Variants in GPR179 observed in about 807,000 individuals in gnomAD.
GPR179 encodes the protein probable G protein-coupled receptor 179.
GPR179 carries 52 observed loss-of-function variants against 70.8 expected under a neutral mutation model. The observed-to-expected ratio is 0.73, with a 90% CI of 0.59 to 0.93. The LOEUF is 0.93. Among genes scored for constraint, GPR179 ranks in the 40% least tolerant of loss-of-function variants. The pLI is 0.00. For missense variants in GPR179, 2,734 were observed against 2,966.8 expected, an observed-to-expected ratio of 0.92 and a Z score of 1.82; for synonymous variants, 1,123 against 1,169.0, an observed-to-expected ratio of 0.96 and a Z score of 0.80.
chr17:38,342,390 A>G (rs911463750), intron 1 of GPR179, among the ~76,000 whole-genome samples: 1 of 151,062 alleles, frequency 6.6e-6, no homozygotes, highest in East Asian at 1.9e-4. Flanking sequence ...CTGGAGTGCA[A>G]TGGCGTGATC....
intron 4 of GPR179, 148 bp downstream of exon 4, chr17:38,336,830 G>A: frequency 1.2e-6 from 1 of 817,122 alleles, no homozygotes; most frequent in Non-Finnish European, 1.9e-6. Context: ...GTCCAAGGCG[G>A]AGAAATCACT....
chr17:38,331,679 A>G, intron 10 of GPR179, 148 bp from the exon 11 acceptor site: 1 of 1,411,866 alleles, frequency 7.1e-7, no homozygotes, highest in Non-Finnish European at 9.3e-7. Context: ...AAACTCTCGT[A>G]ATTCACCTCT....
Position 38,334,046 on chromosome 17 carries a change from G to C in GPR179, c.1785-8C>G, listed in dbSNP as rs754806320. ...GAGGGAACCAGCACAAACCTGGGGC[G>C]GGATAGGGGCGCAGGTCATTACTGC... On this transcript the variant is annotated splice_polypyrimidine_tract_variant and splice_region_variant and intron_variant, in intron 8 of 10. Transcript: ENST00000616987. The surrounding 1 kb of genome is among the most constrained non-coding windows in gnomAD (Gnocchi z 4.7). 5 of 1,595,830 alleles carry C rather than the reference G, an allele frequency of 3.1e-6. No individual in the cohort carries two copies. Among genetic ancestry groups the C allele is most frequent in the African/African-American group, 1.3e-5 (1 of 74,636 alleles).
chr17:38,338,596 G>C (rs1384391623), intron 2 of GPR179, among the ~76,000 whole-genome samples: 1 of 152,200 alleles, frequency 6.6e-6, no homozygotes, highest in Non-Finnish European at 1.5e-5. Context: ...GAACTGGATG[G>C]TGGGAGCCCT....
Position 38,333,986 on chromosome 17 carries a change from A to T in GPR179, c.1837T>A (p.Phe613Ile), listed in dbSNP as rs190745934. The T allele has an allele frequency of 1.6e-4, 253 of 1,613,574 alleles. No homozygotes were observed. Among genetic ancestry groups the T allele is most frequent in the Admixed American group, 6.0e-4 (36 of 59,950 alleles). Residue 613 changes from phenylalanine to isoleucine, a missense_variant, in exon 9 of 11, where the codon TTC becomes ATC. Physicochemically the swap from Phe to Ile is conservative, Grantham distance 21. Transcript: ENST00000616987. ...GTGGTGACTGTGCTGTGGGTGTGGA[A>T]GAAGAAGAGGAGGAGGGTCCAGTCC... Reference protein sequence around the residue: ...HPDWTLLLFFFHTHSTVTTTL... With the variant: ...HPDWTLLLFFIHTHSTVTTTL...
rs1328814736 is a variant in GPR179 at position 38,343,633 on chromosome 17, G to C, written c.157C>G (p.Leu53Val). The stretch of plus-strand genomic sequence containing the variant: ...GCGAGGGCGGCCTCGGCCCCCTCTA[G>C]GGGCACCTGCATGGGTACAGATCCT... ...KPGSVPMQVP[L>V]EGAEAALAYL... The change falls in exon 1 of 11, where the codon CTA becomes GTA. Residue 53 changes from leucine (L) to valine (V), a missense_variant. Physicochemically the swap from Leu to Val is conservative, Grantham distance 32. Transcript: ENST00000616987. This position sits in a 1 kb window ranked among gnomAD's most constrained non-coding sequence, Gnocchi z 4.2. 6.2e-7 allele frequency: 1 copy of C among 1,613,638 alleles called. No individual in the cohort carries two copies. Among genetic ancestry groups the C allele is most frequent in the African/African-American group, 1.3e-5 (1 of 74,912 alleles).
rs1208985357 is a variant in GPR179, at chr17:38,328,358, A to G, written c.5211T>C (p.Asp1737=). Residue 1737 remains aspartate (D), a synonymous_variant, in exon 11 of 11, where the codon GAT becomes GAC. Coordinates refer to ENST00000616987, the MANE Select transcript of GPR179 (RefSeq NM_001004334.4). ...TAACAGCTCTCTCCCTGGGTCCAAG[A>G]TCTGCAGAAACCTTGCCTGTATCAT... ...SPNDTGKVSA[D]LGPRERAVTA... 6 of 1,613,384 alleles carry G rather than the reference A, an allele frequency of 3.7e-6. No individual in the cohort carries two copies. The South Asian group carries it at 6.6e-5, about 18-fold the overall frequency.
intron 4 of GPR179, 125 bp downstream of exon 4, chr17:38,336,851 TAC>T (rs1376518433): frequency 5.1e-5 from 50 of 981,502 alleles, no homozygotes; most frequent in Non-Finnish European, 6.0e-6. Flanking sequence ...TGCATCATGC[TAC>T]ACAGTGAGTT....
In GPR179 at chr17:38,324,971, G is replaced by T. The variant is rs1354803217; in HGVS notation, c.*1494C>A. Among the ~76,000 whole-genome samples the T allele has an allele frequency of 6.6e-6, 1 of 151,646 alleles. No homozygotes were observed. Among genetic ancestry groups the T allele is most frequent in the African/African-American group, 2.4e-5 (1 of 41,238 alleles). On this transcript the variant is annotated 3_prime_UTR_variant, in exon 11 of 11. Transcript: ENST00000616987. ...TGGCTCTTTTTCCCTTTGGGTATTTGGTCTCCCTGTTTGTCTTTTTCTCCC... is the reference window on the plus strand; with the variant it reads ...TGGCTCTTTTTCCCTTTGGGTATTTTGTCTCCCTGTTTGTCTTTTTCTCCC...
rs764647907 is a variant in GPR179 at position 38,326,614 on chromosome 17, C to G, written c.6955G>C (p.Glu2319Gln). ...VRELQGPSGL[E>Q]PRTSLAPEPS... is the part of the protein sequence containing the mutation. ...TCTGGGGCTAAGCTGGTCCTTGGCT[C>G]AAGCCCTGAAGGTCCTTGTAGTTCT... The change falls in exon 11 of 11, where the codon GAG (glutamate) becomes CAG (glutamine). Residue 2319 changes from glutamate to glutamine, a missense_variant. Coordinates refer to ENST00000616987, the MANE Select transcript of GPR179 (RefSeq NM_001004334.4). The G allele has an allele frequency of 5.6e-6, 9 of 1,614,094 alleles. No homozygotes were observed. Among genetic ancestry groups the G allele is most frequent in the Non-Finnish European group, 6.8e-6 (8 of 1,180,048 alleles).
intron 1 of GPR179, among the ~76,000 whole-genome samples, chr17:38,342,058 C>T (rs980120577): frequency 6.6e-6 from 1 of 151,844 alleles, no homozygotes; most frequent in Non-Finnish European, 1.5e-5. Context: ...CTGCAGCTGC[C>T]GTGAGCCGAG....
In GPR179 at chr17:38,331,434, C is replaced by T; in HGVS notation, c.2135G>A (p.Cys712Tyr). Reference protein sequence around the residue: ...PHLPKKRGSSCQGLGRSFMRY... With the variant: ...PHLPKKRGSSYQGLGRSFMRY... ...CATGAAGGAGCGGCCCAGTCCCTGG[C>T]ATGAGCTGCCTCGCTTCTTGGGCAG... Residue 712 changes from cysteine (C) to tyrosine (Y), a missense_variant, in exon 11 of 11, where the codon TGC becomes TAC. Coordinates refer to ENST00000616987, the MANE Select transcript of GPR179 (RefSeq NM_001004334.4). 1.2e-6 allele frequency: 2 copies of T among 1,614,158 alleles called. No homozygotes were observed. Among genetic ancestry groups the T allele is most frequent in the East Asian group, 2.2e-5 (1 of 44,874 alleles).
Position 38,330,219 on chromosome 17 carries a change from C to G in GPR179, c.3350G>C (p.Gly1117Ala). The G allele has an allele frequency of 6.4e-7, 1 of 1,572,052 alleles. No homozygotes were observed. Among genetic ancestry groups the G allele is most frequent in the African/African-American group, 1.4e-5 (1 of 73,802 alleles). ...VEESPEGQNS[G>A]TAGESMGAPS... ...TGCCCCCATACTCTCTCCCGCAGTC[C>G]CGCTGTTCTGCCCCTCGGGACTCTC... Residue 1117 changes from glycine (G) to alanine (A), a missense_variant, in exon 11 of 11, where the codon GGG (glycine) becomes GCG (alanine). By Grantham distance (60) the Gly-to-Ala change is moderately conservative. Transcript: ENST00000616987.
chr17:38,332,825 T>A (rs879713379), intron 10 of GPR179, among the ~76,000 whole-genome samples: 1 of 152,250 alleles, frequency 6.6e-6, no homozygotes, highest in Non-Finnish European at 1.5e-5. Context: ...GCCAGGCTGG[T>A]CAAACTCCTG....
chr17:38,326,387 C>G lies in GPR179; in HGVS notation c.*78G>C. On this transcript the variant is annotated 3_prime_UTR_variant, in exon 11 of 11. Coordinates refer to ENST00000616987, the MANE Select transcript of GPR179 (RefSeq NM_001004334.4). The stretch of plus-strand genomic sequence containing the variant: ...TGGCCAAGCTGTCTTTGATTCAGCT[C>G]TTTGGGAACACCTGGACTTGGAAAG... 1 of 1,152,804 alleles carries G rather than the reference C, an allele frequency of 8.7e-7. No homozygotes were observed. The highest frequency in any genetic ancestry group is 1.2e-6 in the Non-Finnish European group (1 of 806,506). The allele number at this position is 1,152,804 out of a possible 1,614,324, so 71.4% of individuals were successfully genotyped here.
In GPR179 at chr17:38,330,284, G is replaced by C. The variant is rs1487303309; in HGVS notation, c.3285C>G (p.Thr1095=). 6.2e-7 allele frequency: 1 copy of C among 1,609,510 alleles called. No homozygotes were observed. Among genetic ancestry groups the C allele is most frequent in the Non-Finnish European group, 8.5e-7 (1 of 1,177,254 alleles). The change falls in exon 11 of 11, where the codon ACC becomes ACG. Residue 1095 remains threonine (T), a synonymous_variant. Transcript: ENST00000616987. ...RSLGLAIKAL[T]RSRSTYREKE... ...TCTCTCTGTAGGTGCTCCGAGAACG[G>C]GTCAGAGCTTTAATCGCCAGCCCCA...
chr17:38,326,881 C>T lies in GPR179; in HGVS notation c.6688G>A (p.Glu2230Lys). 6.2e-7 allele frequency: 1 copy of T among 1,614,206 alleles called. No homozygotes were observed. The highest frequency in any genetic ancestry group is 1.3e-5 in the African/African-American group (1 of 75,062). ...ELCQWEITDP[E>K]GNKIKGTMAD... ...ATGGTACCCTTTATTTTATTTCCTT[C>T]TGGATCTGTGATTTCCCATTGGCAC... The change falls in exon 11 of 11, where the codon GAA becomes AAA. Residue 2230 changes from glutamate (E) to lysine (K), a missense_variant. By Grantham distance (56) the Glu-to-Lys change is moderately conservative. Coordinates refer to ENST00000616987, the MANE Select transcript of GPR179 (RefSeq NM_001004334.4).
rs370850203 is a variant in GPR179 at position 38,324,608 on chromosome 17, C to CCA, written c.*1855_*1856dup. Among the ~76,000 whole-genome samples the CCA allele has an allele frequency of 4.7e-4, 71 of 150,418 alleles. No individual in the cohort carries two copies. Among genetic ancestry groups the CCA allele is most frequent in the African/African-American group, 1.7e-3 (70 of 40,778 alleles). On this transcript the variant is annotated 3_prime_UTR_variant, in exon 11 of 11. Coordinates refer to ENST00000616987, the MANE Select transcript of GPR179 (RefSeq NM_001004334.4). The stretch of plus-strand genomic sequence containing the variant: ...ATTCTTTATTTCCGCCCCGCCCCCC[C>CCA]CACCCCATGGTTTATTTCACAAGAG...
intron 3 of GPR179, among the ~76,000 whole-genome samples, 197 bp downstream of exon 3, chr17:38,337,436 T>C (rs1389248858): frequency 6.6e-6 from 1 of 152,176 alleles, no homozygotes; most frequent in African/African-American, 2.4e-5. Flanking sequence ...ATTTGCATGT[T>C]ACAGGCTCAT....
Sources: gnomAD v4.1 joint callset for allele counts (sites outside exome capture counted in the v4.1 genomes callset) on GRCh38, gnomAD v4.1.1 for gene constraint, Gnocchi (gnomAD v3.1) non-coding constraint, MANE v1.5 for transcripts, NCBI Gene and HGNC (gene_info 2026-07-23, HGNC 2026-07-21) for gene names.